MCC: variants seen among roughly 807,000 people sequenced by gnomAD.
MCC encodes the protein MCC regulator of Wnt signaling pathway.
MCC carries 90 observed loss-of-function variants against 116.2 expected under a neutral mutation model. The ratio of observed to expected loss-of-function variants is 0.77; its 90% CI spans 0.65 to 0.92. MCC has a LOEUF of 0.92. Among genes scored for constraint, MCC ranks in the 40% least tolerant of loss-of-function variants. The pLI is 0.00. For synonymous variants in MCC, 578 were observed against 510.5 expected (o/e 1.13, Z -1.78); for missense variants, 1,516 against 1,312.2 (o/e 1.16, Z -2.40).
intron 2 of MCC, among the ~76,000 whole-genome samples, chr5:113,366,171 CAT>C (rs1768682477): frequency 6.6e-6 from 1 of 152,140 alleles, no homozygotes; most frequent in Admixed American, 6.5e-5. Flanking sequence ...TCAATTATAA[CAT>C]TTCTCATTCC....
chr5:113,068,042 G>A, intron 13 of MCC, 38 bp downstream of exon 13: 3 of 1,531,164 alleles, frequency 2.0e-6, no homozygotes, highest in South Asian at 1.1e-5. Context: ...AGGAGGCAGG[G>A]AGACAAGAGG....
chr5:113,151,125 TAA>T (rs1294862877), intron 4 of MCC, among the ~76,000 whole-genome samples, 182 bp downstream of exon 4: 2 of 152,160 alleles, frequency 1.3e-5, no homozygotes, highest in African/African-American at 2.4e-5. Flanking sequence ...CTGTGAGAAA[TAA>T]GTGTTGTTTA....
intron 5 of MCC, among the ~76,000 whole-genome samples, chr5:113,137,991 G>T (rs1334323391): frequency 6.6e-6 from 1 of 151,820 alleles, no homozygotes; most frequent in African/African-American, 2.4e-5. Flanking sequence ...AGTCTTCTAG[G>T]GTAGTCACAG....
chr5:113,295,503 T>G (rs1004660550), intron 3 of MCC, among the ~76,000 whole-genome samples: 15 of 151,802 alleles, frequency 9.9e-5, no homozygotes, highest in Non-Finnish European at 1.6e-4. Flanking sequence ...AGATGTCAGA[T>G]AGGCTCCTCA....
chr5:113,382,187 C>A (rs551827498), intron 2 of MCC, among the ~76,000 whole-genome samples: 2 of 151,880 alleles, frequency 1.3e-5, no homozygotes, highest in African/African-American at 4.8e-5. Context: ...TGGAGTTTAC[C>A]TAAATAGAGT....
At position 113,026,318 on chromosome 5, in the gene MCC, A is replaced by G. The variant is rs2150204042; in HGVS notation, c.*984T>C. The G allele has an allele frequency of 6.6e-6, 1 of 152,388 alleles. No individual in the cohort carries two copies. The highest frequency in any genetic ancestry group is 2.1e-4 in the South Asian group (1 of 4,828). The allele number at this position is 152,388 out of a possible 1,614,324, so 9.4% of individuals were successfully genotyped here. A position where few individuals can be genotyped will look rare whatever the true frequency, so the allele number is the denominator to read the frequency against. Reference sequence around the variant, plus strand: ...GCGTGATAAGTTTTGCAAAATGTTCAGTATCTCCTCAGTGTCTTGTCCTTA... The same window carrying G: ...GCGTGATAAGTTTTGCAAAATGTTCGGTATCTCCTCAGTGTCTTGTCCTTA... On this transcript the variant is annotated 3_prime_UTR_variant, in exon 19 of 19. Coordinates refer to ENST00000408903, the MANE Select transcript of MCC (RefSeq NM_001085377.2).
intron 3 of MCC, among the ~76,000 whole-genome samples, chr5:113,331,533 TA>T (rs1287252328): frequency 6.6e-6 from 1 of 151,764 alleles, no homozygotes; most frequent in African/African-American, 2.4e-5. Flanking sequence ...GTTTTTAAAA[TA>T]AAAAGGTTAG....
At position 113,122,543 on chromosome 5, in the gene MCC, G is replaced by T. The variant is rs924184525; in HGVS notation, c.1027+141C>A. ...TTGACCAACAAAGTAATGTGTAAGGGACTGAAATACATGTGACTTCATCCA... is the reference window on the plus strand; with the variant it reads ...TTGACCAACAAAGTAATGTGTAAGGTACTGAAATACATGTGACTTCATCCA... On this transcript the variant is annotated intron_variant, in intron 6 of 18. Coordinates refer to ENST00000408903, the MANE Select transcript of MCC (RefSeq NM_001085377.2). 2.9e-5 allele frequency: 25 copies of T among 850,986 alleles called. 1 individual carries two copies. Among genetic ancestry groups the T allele is most frequent in the Non-Finnish European group, 3.8e-5 (21 of 549,246 alleles). The allele number at this position is 850,986 out of a possible 1,614,324, so 52.7% of individuals were successfully genotyped here. A position where few individuals can be genotyped will look rare whatever the true frequency, so the allele number is the denominator to read the frequency against.
At chr5:113,413,027 A>C (rs1770036721) in intron 1 of MCC, among the ~76,000 whole-genome samples, 1 of 152,212 alleles carries the variant, frequency 6.6e-6, no homozygotes, top group Non-Finnish European at 1.5e-5. Context: ...TATTGAGATA[A>C]GCATGTGGTT....
At chr5:113,117,106 C>T (rs1396094705) in intron 6 of MCC, among the ~76,000 whole-genome samples, 1 of 152,226 alleles carries the variant, frequency 6.6e-6, no homozygotes, top group Admixed American at 6.5e-5. Flanking sequence ...AGACAGCTTG[C>T]CTTACCTGTG....
intron 2 of MCC, among the ~76,000 whole-genome samples, chr5:113,354,473 C>T (rs953959289): frequency 5.1e-4 from 73 of 144,102 alleles, no homozygotes; most frequent in South Asian, 1.1e-3. Context: ...CTTGCTCTGT[C>T]GGACAGGCTG....
At chr5:113,039,211 A>G (rs961419070) in intron 17 of MCC, among the ~76,000 whole-genome samples, 2 of 152,122 alleles carry the variant, frequency 1.3e-5, no homozygotes, top group Admixed American at 6.5e-5. Context: ...CTTTAAAAAG[A>G]TATTTTTTAC....
rs370361171 is a variant in MCC at position 113,035,433 on chromosome 5, G to T, written c.2757-6377C>A. ...ATCCCTCTGCCCTGGTTTTCACACA[G>T]CAGCCCAGGTAACATTTCACATGAC... On this transcript the variant is annotated intron_variant, in intron 17 of 18. Transcript: ENST00000408903. 1.2e-3 allele frequency among the ~76,000 whole-genome samples: 180 copies of T among 152,298 alleles called. 1 individual carries two copies. The highest frequency in any genetic ancestry group is 4.2e-3 in the African/African-American group (174 of 41,564).
At chr5:113,082,425 GA>G (rs1480363712) in intron 11 of MCC, among the ~76,000 whole-genome samples, 1 of 152,210 alleles carries the variant, frequency 6.6e-6, no homozygotes, top group Non-Finnish European at 1.5e-5. Flanking sequence ...CAACATTCCA[GA>G]ACTCCCTTCT....
At chr5:113,460,218 A>T (rs1024435355) in intron 1 of MCC, among the ~76,000 whole-genome samples, 1 of 152,190 alleles carries the variant, frequency 6.6e-6, no homozygotes, top group Non-Finnish European at 1.5e-5. Flanking sequence ...TCATACATGA[A>T]GGGAATCCTC....
At chr5:113,441,835 T>A (rs1771051809) in intron 1 of MCC, among the ~76,000 whole-genome samples, 1 of 152,222 alleles carries the variant, frequency 6.6e-6, no homozygotes, top group Non-Finnish European at 1.5e-5. Context: ...CATGAACTCA[T>A]TCTTTTTTAA....
chr5:113,283,972 A>G (rs1430947458), intron 3 of MCC, among the ~76,000 whole-genome samples: 1 of 152,190 alleles, frequency 6.6e-6, no homozygotes, highest in East Asian at 1.9e-4. Context: ...TGAATAATCA[A>G]TATATTTTCT....
chr5:113,214,842 C>A (rs569284374), intron 3 of MCC, among the ~76,000 whole-genome samples: 21 of 152,340 alleles, frequency 1.4e-4, no homozygotes, highest in African/African-American at 5.1e-4. Flanking sequence ...CTCCTCATTG[C>A]CATCAGGATA....
chr5:113,064,915 C>T (rs1318821185), intron 13 of MCC, among the ~76,000 whole-genome samples: 1 of 152,108 alleles, frequency 6.6e-6, no homozygotes. Flanking sequence ...TCATGGGTGG[C>T]TGAGCTGAGG....
Sources: gnomAD v4.1 joint callset for allele counts (sites outside exome capture counted in the v4.1 genomes callset) on GRCh38, gnomAD v4.1.1 for gene constraint, MANE v1.5 for transcripts, NCBI Gene and HGNC (gene_info 2026-07-23, HGNC 2026-07-21) for gene names.